PPM1L: variants seen among roughly 807,000 people sequenced by gnomAD.
The protein encoded by PPM1L is protein phosphatase, Mg2+/Mn2+ dependent 1L.
A neutral mutation model predicts 31.4 loss-of-function variants in PPM1L; 13 were observed. The observed-to-expected ratio is 0.41, with a 90% CI of 0.27 to 0.66. The LOEUF is 0.66. Among genes scored for constraint, PPM1L ranks in the 30% least tolerant of loss-of-function variants. PPM1L has a pLI of 0.29. For synonymous variants in PPM1L, 184 were observed against 175.4 expected, an observed-to-expected ratio of 1.05 and a Z score of -0.39; for missense variants, 326 against 453.7, an observed-to-expected ratio of 0.72 and a Z score of 2.56.
chr3:160,958,891 A>G (rs1715865052), intron 1 of PPM1L, among the ~76,000 whole-genome samples: 2 of 152,162 alleles, frequency 1.3e-5, no homozygotes, highest in African/African-American at 2.4e-5. Flanking sequence ...TTCATCCTAA[A>G]TTTTGTTATC....
At chr3:161,063,995 A>G (rs764305223) in intron 2 of PPM1L, among the ~76,000 whole-genome samples, 11 of 152,026 alleles carry the variant, frequency 7.2e-5, no homozygotes, top group Non-Finnish European at 1.6e-4. Context: ...CAGGGAGGGG[A>G]ACATCACACA....
chr3:160,929,457 G>T (rs1285748141), intron 1 of PPM1L, among the ~76,000 whole-genome samples: 4 of 152,144 alleles, frequency 2.6e-5, no homozygotes, highest in Non-Finnish European at 5.9e-5. Flanking sequence ...TGATCCTGCA[G>T]GGTCTAAGCT....
At chr3:160,989,190 T>C (rs1717054160) in intron 2 of PPM1L, among the ~76,000 whole-genome samples, 1 of 152,188 alleles carries the variant, frequency 6.6e-6, no homozygotes, top group Non-Finnish European at 1.5e-5. Context: ...TTTCCTTACT[T>C]GCTCATTTCT....
chr3:161,002,464 AGT>A (rs1045602578), intron 2 of PPM1L, among the ~76,000 whole-genome samples: 2 of 152,080 alleles, frequency 1.3e-5, no homozygotes, highest in Admixed American at 6.6e-5. Context: ...ACAGCGTAAA[AGT>A]GTTCCTATTT....
chr3:160,883,370 A>G (rs1712791428), intron 1 of PPM1L, among the ~76,000 whole-genome samples: 1 of 152,204 alleles, frequency 6.6e-6, no homozygotes, highest in Admixed American at 6.5e-5. Flanking sequence ...AAATATGTGT[A>G]CAAAAGCTAT....
At chr3:160,857,962 A>G (rs1454302985) in intron 1 of PPM1L, among the ~76,000 whole-genome samples, 1 of 152,182 alleles carries the variant, frequency 6.6e-6, no homozygotes, top group African/African-American at 2.4e-5. Flanking sequence ...GTGTCCTGTC[A>G]TGACTCTTTT....
chr3:161,012,081 T>G (rs1345418313), intron 2 of PPM1L, among the ~76,000 whole-genome samples: 18 of 152,192 alleles, frequency 1.2e-4, no homozygotes, highest in Admixed American at 1.2e-3. Flanking sequence ...AGAGAGGGCA[T>G]CTCTGTCTTC....
intron 1 of PPM1L, among the ~76,000 whole-genome samples, chr3:160,817,245 C>G (rs1713025479): frequency 6.6e-6 from 1 of 151,878 alleles, no homozygotes; most frequent in Admixed American, 6.6e-5. Context: ...TATGTCAGAC[C>G]AAGTAGTTTG....
intron 1 of PPM1L, among the ~76,000 whole-genome samples, chr3:160,805,915 T>C (rs1278053941): frequency 2.6e-5 from 4 of 152,170 alleles, no homozygotes; most frequent in Non-Finnish European, 5.9e-5. Flanking sequence ...TCAGCATCTC[T>C]TGAAAATCTG....
chr3:161,030,273 C>T (rs1318471180), intron 2 of PPM1L, among the ~76,000 whole-genome samples: 2 of 152,174 alleles, frequency 1.3e-5, no homozygotes, highest in Non-Finnish European at 2.9e-5. Flanking sequence ...GTGCCTTTTG[C>T]TCTTTTATGT....
At chr3:160,777,470 T>C (rs1711596235) in intron 1 of PPM1L, among the ~76,000 whole-genome samples, 1 of 152,170 alleles carries the variant, frequency 6.6e-6, no homozygotes, top group Non-Finnish European at 1.5e-5. Flanking sequence ...TATCTAGAAG[T>C]TTTTTATCTG....
chr3:160,792,372 A>G lies in PPM1L; in HGVS notation c.399+35665A>G, dbSNP rs1261489423. ...CACTTATTTCTGATGGTGATTTGGT[A>G]GCTTAGAATTCAGATAAAGGTGTAT... On this transcript the variant is annotated intron_variant, in intron 1 of 3. Coordinates refer to ENST00000498165, the MANE Select transcript of PPM1L (RefSeq NM_139245.4). 2.6e-5 allele frequency among the ~76,000 whole-genome samples: 4 copies of G among 152,318 alleles called. No individual in the cohort carries two copies. In the South Asian group the frequency reaches 6.2e-4, roughly 24 times the overall value.
At chr3:160,873,947 T>C (rs1353710062) in intron 1 of PPM1L, among the ~76,000 whole-genome samples, 1 of 152,222 alleles carries the variant, frequency 6.6e-6, no homozygotes, top group Non-Finnish European at 1.5e-5. Flanking sequence ...TATCCTTTGC[T>C]GACAGAAAAT....
intron 2 of PPM1L, among the ~76,000 whole-genome samples, chr3:161,036,525 A>G (rs1718746949): frequency 6.6e-6 from 1 of 152,224 alleles, no homozygotes; most frequent in Non-Finnish European, 1.5e-5. Flanking sequence ...TGCTTGTTAC[A>G]GAGTAGGTGC....
At chr3:160,921,175 C>T (rs1277287169) in intron 1 of PPM1L, among the ~76,000 whole-genome samples, 4 of 152,130 alleles carry the variant, frequency 2.6e-5, no homozygotes, top group Admixed American at 2.0e-4. Flanking sequence ...TTTAATCTTT[C>T]CTCCTGCGTA....
intron 1 of PPM1L, among the ~76,000 whole-genome samples, chr3:160,782,952 T>G (rs905781183): frequency 2.0e-5 from 3 of 152,228 alleles, no homozygotes; most frequent in African/African-American, 7.2e-5. Flanking sequence ...AACTTTAAAA[T>G]TTTTGCCTTT....
At chr3:160,994,203 A>G (rs1158794617) in intron 2 of PPM1L, among the ~76,000 whole-genome samples, 2 of 152,108 alleles carry the variant, frequency 1.3e-5, no homozygotes, top group South Asian at 2.1e-4. Flanking sequence ...CCAGTGGGGA[A>G]GGCACCAAGT....
At chr3:160,960,324 A>C (rs1238306275) in intron 1 of PPM1L, among the ~76,000 whole-genome samples, 2 of 152,180 alleles carry the variant, frequency 1.3e-5, no homozygotes, top group African/African-American at 2.4e-5. Context: ...GGTAGTTAGC[A>C]TATCCCTTAC....
intron 1 of PPM1L, among the ~76,000 whole-genome samples, chr3:160,815,815 A>G (rs901393903): frequency 2.6e-5 from 4 of 152,134 alleles, no homozygotes; most frequent in Admixed American, 1.3e-4. Context: ...AACATTTTAC[A>G]TTTTGCTTAG....
Sources: gnomAD v4.1 joint callset for allele counts (sites outside exome capture counted in the v4.1 genomes callset) on GRCh38, gnomAD v4.1.1 for gene constraint, MANE v1.5 for transcripts, NCBI Gene and HGNC (gene_info 2026-07-23, HGNC 2026-07-21) for gene names.